Variants in HDAC7 observed in about 807,000 individuals in gnomAD.
HDAC7 encodes histone deacetylase 7A.
A neutral mutation model predicts 115.5 loss-of-function variants in HDAC7; 26 were observed. That is an observed-to-expected ratio of 0.23 (90% confidence interval 0.16 to 0.31). HDAC7 has a LOEUF of 0.31. HDAC7 is among the 10% of genes least tolerant of loss of function. HDAC7 has a pLI of 1.00. For missense variants in HDAC7, 1,068 were observed against 1,329.0 expected (o/e 0.80, Z 3.05); for synonymous variants, 564 against 550.9 (o/e 1.02, Z -0.33).
chr12:47,802,198 T>C (rs372891888), intron 2 of HDAC7, 26 bp downstream of exon 2: 5 of 1,609,104 alleles, frequency 3.1e-6, no homozygotes, highest in East Asian at 2.2e-5. Flanking sequence ...CTCCCTACCA[T>C]GGACTCCCCC....
In HDAC7 at chr12:47,790,988, C is replaced by T. The variant is rs1592641968; in HGVS notation, c.1983+271G>A. The T allele has an allele frequency of 3.2e-5, 18 of 559,392 alleles. No homozygotes were observed. The East Asian group carries it at 5.7e-4, about 18-fold the overall frequency. 34.7% of individuals were successfully genotyped at this position (559,392 alleles called of 1,614,324 possible). A position where few individuals can be genotyped will look rare whatever the true frequency, so the allele number is the denominator to read the frequency against. On this transcript the variant is annotated intron_variant, in intron 16 of 25. Transcript: ENST00000080059. Reference sequence around the variant, plus strand: ...GATGATCCTAAGCCCCAGCCTTGGCCCTGCTCCTGAAACCTCACTCAACAT... The same window carrying T: ...GATGATCCTAAGCCCCAGCCTTGGCTCTGCTCCTGAAACCTCACTCAACAT...
chr12:47,787,199 C>T (rs542675145), intron 21 of HDAC7, among the ~76,000 whole-genome samples: 2 of 150,836 alleles, frequency 1.3e-5, no homozygotes, highest in African/African-American at 2.4e-5. Context: ...TGAGGTTCTG[C>T]GCCACCTGGC....
chr12:47,785,960 C>G, intron 22 of HDAC7, 75 bp from the exon 23 acceptor site: 1 of 1,393,612 alleles, frequency 7.2e-7, no homozygotes, highest in Non-Finnish European at 9.7e-7. Flanking sequence ...TGTGGCTTCC[C>G]TGCTTGCTTC....
intron 1 of HDAC7, among the ~76,000 whole-genome samples, chr12:47,818,172 C>T (rs1165997302): frequency 2.6e-5 from 4 of 152,148 alleles, no homozygotes; most frequent in Non-Finnish European, 5.9e-5. Flanking sequence ...GACCCGGTGG[C>T]CACAGAGACA....
chr12:47,784,021 C>T (rs1318644447), intron 25 of HDAC7, 58 bp downstream of exon 25: 1 of 1,605,506 alleles, frequency 6.2e-7, no homozygotes, highest in Non-Finnish European at 8.5e-7. Flanking sequence ...GGTCTTCAAG[C>T]AGGGAGGAAT....
intron 1 of HDAC7, among the ~76,000 whole-genome samples, chr12:47,810,097 C>G (rs749212623): frequency 5.3e-5 from 8 of 152,154 alleles, no homozygotes; most frequent in Non-Finnish European, 1.2e-4. Context: ...CAGGTGCAAG[C>G]CACCATGCCC....
At chr12:47,785,175 G>T in intron 24 of HDAC7, 1 of 566,192 alleles carries the variant, frequency 1.8e-6, no homozygotes, top group Non-Finnish European at 3.1e-6. Context: ...TGTCTGGTAG[G>T]CCCTGCTGGC....
At chr12:47,808,473 C>A (rs554512305) in intron 1 of HDAC7, among the ~76,000 whole-genome samples, 13 of 152,298 alleles carry the variant, frequency 8.5e-5, no homozygotes, top group African/African-American at 2.9e-4. Flanking sequence ...ACCCTGTGGC[C>A]TCTCCTCAAG....
chr12:47,784,922 G>A, intron 24 of HDAC7: 1 of 666,874 alleles, frequency 1.5e-6, no homozygotes, highest in East Asian at 2.8e-5. Context: ...TATGGGTCTT[G>A]ACATAAGATG....
intron 1 of HDAC7, among the ~76,000 whole-genome samples, chr12:47,810,720 C>T (rs1944614861): frequency 2.0e-5 from 3 of 152,160 alleles, no homozygotes; most frequent in Admixed American, 1.3e-4. Context: ...AACTGTCAAG[C>T]CCTCTACAAA....
At chr12:47,820,148 G>T (rs1271077727), upstream of HDAC7, among the ~76,000 whole-genome samples, 7 of 151,064 alleles carry the variant, frequency 4.6e-5, no homozygotes, top group African/African-American at 1.5e-4. This position sits in a 1 kb window ranked among gnomAD's most constrained non-coding sequence, Gnocchi z 4.3. Flanking sequence ...AGGCAGCGCC[G>T]AACCCGGAAC....
At chr12:47,819,132 G>A (rs1944937732) in intron 1 of HDAC7, 1 of 152,352 alleles carries the variant, frequency 6.6e-6, no homozygotes, top group African/African-American at 2.4e-5. Context: ...GGGCACAGGT[G>A]TCTCTTCACC....
intron 15 of HDAC7, 79 bp from the exon 16 acceptor site, chr12:47,791,387 C>A (rs1043500450): frequency 1.2e-5 from 17 of 1,434,960 alleles, no homozygotes; most frequent in African/African-American, 1.1e-4. Context: ...GCCCAGAGAG[C>A]AGGGCCGGGT....
chr12:47,789,492 T>G, intron 18 of HDAC7, 31 bp downstream of exon 18: 1 of 1,611,172 alleles, frequency 6.2e-7, no homozygotes, highest in Non-Finnish European at 8.5e-7. Flanking sequence ...GCCCCCCACC[T>G]CATCCCACCC....
chr12:47,798,872 T>C lies in HDAC7; in HGVS notation c.171A>G (p.Thr57=). 1 of 1,553,198 alleles carries C rather than the reference T, an allele frequency of 6.4e-7. No homozygotes were observed. Among genetic ancestry groups the C allele is most frequent in the African/African-American group, 1.4e-5 (1 of 73,284 alleles). ...RPPVEPPPEP[T]LLALQRPQRL... is the part of the protein sequence containing the mutation. ...GCTGGGGACGCTGCAGGGCCAGCAA[T>C]GTGGGCTCTGGTGGGGGCTCCACTG... Residue 57 remains threonine, a synonymous_variant, in exon 3 of 26, where the codon ACA becomes ACG. Transcript: ENST00000080059. This position sits in a 1 kb window ranked among gnomAD's most constrained non-coding sequence, Gnocchi z 4.3.
In HDAC7 at chr12:47,797,895, T is replaced by TGTGTGTGTGTGTGTGAGA. The variant is rs35753431; in HGVS notation, c.461+212_461+213insTCTCACACACACACACAC. On this transcript the variant is annotated intron_variant, in intron 5 of 25. Transcript: ENST00000080059. This position sits in a 1 kb window ranked among gnomAD's most constrained non-coding sequence, Gnocchi z 5.5. ...GTGTGTGTGTGTGTGTGTGTGTGTG[T>TGTGTGTGTGTGTGTGAGA]GAGAAGGGCTCAGGTGGGGTGGGGA... Among the ~76,000 whole-genome samples, 43 of 143,454 alleles carry TGTGTGTGTGTGTGTGAGA rather than the reference T, an allele frequency of 3.0e-4. No homozygotes were observed. The highest frequency in any genetic ancestry group is 1.1e-3 in the African/African-American group (39 of 36,502). 94.1% of individuals were successfully genotyped at this position (143,454 alleles called of 152,430 possible).
At chr12:47,808,177 T>C (rs1427064564) in intron 1 of HDAC7, among the ~76,000 whole-genome samples, 1 of 152,210 alleles carries the variant, frequency 6.6e-6, no homozygotes, top group Non-Finnish European at 1.5e-5. Context: ...GCTGGGGCCC[T>C]GAGGCAGCTA....
intron 2 of HDAC7, among the ~76,000 whole-genome samples, chr12:47,800,612 C>T (rs1367391419): frequency 5.3e-5 from 8 of 152,286 alleles, no homozygotes; most frequent in Admixed American, 3.3e-4. Flanking sequence ...GTCTGGGTTT[C>T]GAATACCAAA....
intron 2 of HDAC7, among the ~76,000 whole-genome samples, 157 bp downstream of exon 2, chr12:47,802,067 G>A (rs1319447045): frequency 1.3e-5 from 2 of 152,114 alleles, no homozygotes; most frequent in Non-Finnish European, 1.5e-5. Context: ...CTCTTACCCC[G>A]GCTCCTCGCC....
Sources: allele counts gnomAD v4.1 joint callset (sites outside exome capture counted in the v4.1 genomes callset), GRCh38; gene constraint gnomAD v4.1.1; non-coding constraint Gnocchi (gnomAD v3.1); transcripts MANE v1.5; gene names NCBI Gene and HGNC (gene_info 2026-07-23, HGNC 2026-07-21).